PHF8: variants seen among roughly 807,000 people sequenced by gnomAD.
PHF8 encodes histone lysine demethylase PHF8.
A neutral mutation model predicts 74.4 loss-of-function variants in PHF8; 9 were observed. The observed-to-expected ratio is 0.12, with a 90% CI of 0.07 to 0.21. The LOEUF is 0.21. Among genes scored for constraint, PHF8 ranks in the 10% least tolerant of loss-of-function variants. The pLI, the probability that PHF8 is intolerant of heterozygous loss-of-function variation, is 1.00. For missense variants in PHF8, 478 were observed against 816.6 expected, an observed-to-expected ratio of 0.59 and a Z score of 5.05; for synonymous variants, 311 against 316.6, an observed-to-expected ratio of 0.98 and a Z score of 0.19.
intron 12 of PHF8, 51 bp from the exon 13 acceptor site, chrX:53,993,954 T>G: frequency 1.1e-6 from 1 of 937,815 alleles, no homozygotes; most frequent in Non-Finnish European, 1.5e-6. Flanking sequence ...AAGGGTTCTC[T>G]CAACACTAAC....
intron 2 of PHF8, among the ~76,000 whole-genome samples, chrX:54,034,299 T>C (rs1371188312): frequency 9.0e-6 from 1 of 111,453 alleles, no homozygotes; most frequent in South Asian, 3.7e-4. Flanking sequence ...CAATGAGAGA[T>C]AAATGACACA....
At position 53,937,314 on chromosome X, in the gene PHF8, C is replaced by A. The variant is rs1557081979; in HGVS notation, c.*1844G>T. The A allele has an allele frequency of 9.0e-6, 1 of 111,601 alleles. No individual in the cohort carries two copies. 9.2% of individuals were successfully genotyped at this position (111,601 alleles called of 1,213,427 possible). ...ATCGGGGGGATTTGCTAGCAATTAG[C>A]TGCCTTTGAAAGATCAAGAAGGGGT... On this transcript the variant is annotated 3_prime_UTR_variant, in exon 22 of 22. Coordinates refer to ENST00000338154, the MANE Select transcript of PHF8 (RefSeq NM_015107.3).
intron 11 of PHF8, 100 bp from the exon 12 acceptor site, chrX:53,995,882 T>C (rs1165894366): frequency 1.1e-5 from 5 of 474,443 alleles, no homozygotes; most frequent in African/African-American, 7.2e-5. Context: ...AGTAGTCTTT[T>C]CAACAAATGA....
At position 54,044,220 on chromosome X, in the gene PHF8, C is replaced by T. The variant is rs2066610683; in HGVS notation, c.-551G>A. ...GTCGTCGCTGGGCCGGCAGGAGATA[C>T]TCGCGAGCAAACCAACGGGGAAAGA... On this transcript the variant is annotated 5_prime_UTR_variant, in exon 1 of 22. Coordinates refer to ENST00000338154, the MANE Select transcript of PHF8 (RefSeq NM_015107.3). 2 of 754,285 alleles carry T rather than the reference C, an allele frequency of 2.7e-6. No homozygotes were observed. Among genetic ancestry groups the T allele is most frequent in the African/African-American group, 2.3e-5 (1 of 43,752 alleles). 62.2% of individuals were successfully genotyped at this position (754,285 alleles called of 1,213,427 possible). A position where few individuals can be genotyped will look rare whatever the true frequency, so the allele number is the denominator to read the frequency against.
rs1013243477 is a variant in PHF8 at position 53,936,806 on chromosome X, C to T, written c.*2352G>A. 4.5e-5 allele frequency: 5 copies of T among 111,942 alleles called. No individual in the cohort carries two copies. The highest frequency in any genetic ancestry group is 1.6e-4 in the African/African-American group (5 of 30,657). The allele number at this position is 111,942 out of a possible 1,213,427, so 9.2% of individuals were successfully genotyped here. ...CAACAGAGAAGTCTGAATGATGCTACCCTAACCTATTTATAAAAAGGCCCT... is the reference window on the plus strand; with the variant it reads ...CAACAGAGAAGTCTGAATGATGCTATCCTAACCTATTTATAAAAAGGCCCT... On this transcript the variant is annotated 3_prime_UTR_variant, in exon 22 of 22. Coordinates refer to ENST00000338154, the MANE Select transcript of PHF8 (RefSeq NM_015107.3).
chrX:53,979,441 G>A (rs1051552896), intron 18 of PHF8, among the ~76,000 whole-genome samples: 1 of 111,815 alleles, frequency 8.9e-6, no homozygotes, highest in Non-Finnish European at 1.9e-5. Flanking sequence ...AAAGCAGATT[G>A]AAAATACATC....
chrX:53,955,919 T>A (rs2065007211), intron 19 of PHF8, among the ~76,000 whole-genome samples: 1 of 111,604 alleles, frequency 9.0e-6, no homozygotes, highest in African/African-American at 3.3e-5. Flanking sequence ...AAGAACTATC[T>A]TTTTAGTTAA....
At chrX:53,949,759 C>T (rs1159536998) in intron 19 of PHF8, among the ~76,000 whole-genome samples, 3 of 88,573 alleles carry the variant, frequency 3.4e-5, no homozygotes, top group East Asian at 3.6e-4. Context: ...TTGCAGTGAG[C>T]GGAGATCGCA....
upstream of PHF8, among the ~76,000 whole-genome samples, chrX:54,047,694 G>A (rs782503259): frequency 1.8e-5 from 2 of 111,677 alleles, no homozygotes; most frequent in Non-Finnish European, 3.8e-5. Context: ...CAAGGGAGAC[G>A]GATAAAAAGT....
rs782200032 is a variant in PHF8, at chrX:54,022,867, G to A, written c.99-24C>T. The A allele has an allele frequency of 3.7e-6, 4 of 1,068,097 alleles. No homozygotes were observed. The Admixed American group carries it at 6.7e-5, about 18-fold the overall frequency. The allele number at this position is 1,068,097 out of a possible 1,213,427, so 88.0% of individuals were successfully genotyped here. A position where few individuals can be genotyped will look rare whatever the true frequency, so the allele number is the denominator to read the frequency against. ...AACTGAAAAAGAGAAAAACAGCCAA[G>A]GTTTATGGAAATTTTATTTTTTATG... On this transcript the variant is annotated intron_variant, in intron 2 of 21. Transcript: ENST00000338154.
chrX:54,024,337 T>C (rs1408765177), intron 2 of PHF8, among the ~76,000 whole-genome samples: 2 of 112,146 alleles, frequency 1.8e-5, no homozygotes, highest in Non-Finnish European at 3.8e-5. Context: ...CAGTAAGTGC[T>C]AGAAGTCCAG....
In PHF8 at chrX:53,944,625, G is replaced by A. The variant is rs1332405243; in HGVS notation, c.2540-382C>T. On this transcript the variant is annotated intron_variant, in intron 19 of 21. Transcript: ENST00000338154. ...CCTAGCTACTTGGGAGGCTGAAGTG[G>A]GAGGATTGCTTGAGCCCAGGAGTTT... is the stretch of plus-strand genomic sequence containing the variant. The A allele has an allele frequency of 2.9e-5, 5 of 171,630 alleles. No homozygotes were observed. The South Asian group carries it at 3.6e-4, about 12-fold the overall frequency. 14.1% of individuals were successfully genotyped at this position (171,630 alleles called of 1,213,427 possible). A position where few individuals can be genotyped will look rare whatever the true frequency, so the allele number is the denominator to read the frequency against.
chrX:54,014,272 T>C (rs1557107409), intron 7 of PHF8, 105 bp downstream of exon 7: 2 of 660,387 alleles, frequency 3.0e-6, no homozygotes, highest in Admixed American at 4.9e-5. Context: ...ATTTTTTTTA[T>C]TCAAAATGTA....
At chrX:53,996,268 T>C (rs1228187188) in intron 11 of PHF8, among the ~76,000 whole-genome samples, 1 of 109,253 alleles carries the variant, frequency 9.2e-6, no homozygotes, top group Non-Finnish European at 1.9e-5. Context: ...AGTGAGCCAC[T>C]ACGCCCAGCT....
At chrX:54,012,504 T>C (rs1409387403) in intron 7 of PHF8, among the ~76,000 whole-genome samples, 1 of 111,615 alleles carries the variant, frequency 9.0e-6, no homozygotes, top group Non-Finnish European at 1.9e-5. Flanking sequence ...ACTTTTCTGA[T>C]AAGAAAACTA....
chrX:53,952,518 G>C (rs1324392913), intron 19 of PHF8, among the ~76,000 whole-genome samples: 6 of 111,669 alleles, frequency 5.4e-5, no homozygotes, highest in South Asian at 3.7e-4. Flanking sequence ...GATGTAATTT[G>C]TGACAGTAAT....
chrX:53,944,594 T>C, intron 19 of PHF8: 1 of 200,675 alleles, frequency 5.0e-6, no homozygotes, highest in Non-Finnish European at 9.3e-6. Flanking sequence ...GGCATGTGCC[T>C]GTAGTCCTAG....
At chrX:54,022,040 T>C (rs1209476618) in intron 4 of PHF8, among the ~76,000 whole-genome samples, 1 of 111,852 alleles carries the variant, frequency 8.9e-6, no homozygotes, top group East Asian at 2.8e-4. Flanking sequence ...TCAGCATTCC[T>C]TGGATGAATG....
chrX:53,988,749 C>T (rs1283780908), intron 14 of PHF8, among the ~76,000 whole-genome samples: 3 of 95,429 alleles, frequency 3.1e-5, no homozygotes, highest in Non-Finnish European at 6.2e-5. Context: ...AGCAAGACTC[C>T]GTCTCAAAAA....
Sources: gnomAD v4.1 joint callset for allele counts (sites outside exome capture counted in the v4.1 genomes callset) on GRCh38, gnomAD v4.1.1 for gene constraint, MANE v1.5 for transcripts, NCBI Gene and HGNC (gene_info 2026-07-23, HGNC 2026-07-21) for gene names.